PPARGC1A: variants seen among roughly 807,000 people sequenced by gnomAD.
PPARGC1A encodes the protein PPARG coactivator 1 alpha.
In PPARGC1A, 25 loss-of-function variants were observed where a neutral mutation model predicts 88.7. The observed-to-expected ratio is 0.28, with a 90% CI of 0.21 to 0.39. The LOEUF is 0.39. Ranked by LOEUF, PPARGC1A falls within the 10% of genes least tolerant of loss-of-function variation. The pLI is 1.00. For synonymous variants in PPARGC1A, 363 were observed against 355.6 expected (o/e 1.02, Z -0.24); for missense variants, 880 against 968.7 (o/e 0.91, Z 1.22).
the PPARGC1A span, among the ~76,000 whole-genome samples, chr4:24,361,754 G>A: frequency 2.0e-5 from 3 of 152,182 alleles, no homozygotes; most frequent in African/African-American, 2.4e-5. Flanking sequence ...AGCAGCATTC[G>A]TATCCCACGT....
chr4:24,301,200 G>A, the PPARGC1A span, among the ~76,000 whole-genome samples: 1 of 152,098 alleles, frequency 6.6e-6, no homozygotes, highest in African/African-American at 2.4e-5. Context: ...CTTAACACTA[G>A]TAGATATTTT....
At chr4:24,251,155 T>TACA in the PPARGC1A span, among the ~76,000 whole-genome samples, 3 of 152,232 alleles carry the variant, frequency 2.0e-5, no homozygotes. Flanking sequence ...TTAGCATAAG[T>TACA]CATTATTATT....
chr4:24,421,867 G>A, the PPARGC1A span, among the ~76,000 whole-genome samples: 1 of 151,942 alleles, frequency 6.6e-6, no homozygotes, highest in South Asian at 2.1e-4. Context: ...TCCTTATTAA[G>A]GACATATAAT....
chr4:24,434,089 G>T, the PPARGC1A span, among the ~76,000 whole-genome samples: 1 of 152,150 alleles, frequency 6.6e-6, no homozygotes, highest in South Asian at 2.1e-4. Context: ...GTACTGATTA[G>T]AACTGCTCTC....
In PPARGC1A at chr4:23,814,381, G is replaced by C. The variant is rs1171810975; in HGVS notation, c.1102C>G (p.His368Asp). 6.2e-7 allele frequency: 1 copy of C among 1,613,918 alleles called. No individual in the cohort carries two copies. Among genetic ancestry groups the C allele is most frequent in the East Asian group, 2.2e-5 (1 of 44,852 alleles). Residue 368 changes from histidine to aspartate, a missense_variant, in exon 8 of 13, where the codon CAC becomes GAC. Physicochemically the swap from His to Asp is moderately conservative, Grantham distance 81. Coordinates refer to ENST00000264867, the MANE Select transcript of PPARGC1A (RefSeq NM_013261.5). ...LSKSSVLTGG[H>D]EERKTKRPSL... is the part of the protein sequence containing the mutation. Reference sequence around the variant, plus strand: ...GGCCGCTTGGTCTTCCTTTCCTCGTGTCCACCAGTGAGGACTGAGGACTTG... The same window carrying C: ...GGCCGCTTGGTCTTCCTTTCCTCGTCTCCACCAGTGAGGACTGAGGACTTG...
the PPARGC1A span, among the ~76,000 whole-genome samples, chr4:24,069,064 G>A: frequency 1.3e-5 from 2 of 152,158 alleles, no homozygotes; most frequent in African/African-American, 2.4e-5. Flanking sequence ...TATGTGCCAC[G>A]TTATGTGCAT....
At chr4:24,334,674 T>C in the PPARGC1A span, among the ~76,000 whole-genome samples, 1 of 152,232 alleles carries the variant, frequency 6.6e-6, no homozygotes, top group African/African-American at 2.4e-5. Flanking sequence ...TTCCAAGAAC[T>C]TCCCTTATGT....
At chr4:24,380,860 G>C in the PPARGC1A span, among the ~76,000 whole-genome samples, 3 of 151,978 alleles carry the variant, frequency 2.0e-5, no homozygotes, top group Non-Finnish European at 4.4e-5. Context: ...CCAGTGATTT[G>C]AGATGTGTAG....
chr4:23,823,056 GA>G (rs1249658517), intron 7 of PPARGC1A, among the ~76,000 whole-genome samples: 2 of 151,842 alleles, frequency 1.3e-5, no homozygotes, highest in Non-Finnish European at 2.9e-5. Flanking sequence ...ACTGGTGATT[GA>G]AATTATGTAA....
the PPARGC1A span, among the ~76,000 whole-genome samples, chr4:24,391,381 A>C: frequency 6.6e-6 from 1 of 152,208 alleles, no homozygotes; most frequent in East Asian, 1.9e-4. Flanking sequence ...AAGTCTACTT[A>C]GCACCAGTTA....
chr4:24,344,920 T>A, the PPARGC1A span, among the ~76,000 whole-genome samples: 1 of 152,320 alleles, frequency 6.6e-6, no homozygotes, highest in South Asian at 2.1e-4. Flanking sequence ...CATCTTGAGT[T>A]GATTTTTGTA....
chr4:23,961,670 A>G, the PPARGC1A span, among the ~76,000 whole-genome samples: 1 of 152,040 alleles, frequency 6.6e-6, no homozygotes, highest in African/African-American at 2.4e-5. Context: ...TGGGACAGGT[A>G]TTAAATGGCC....
the PPARGC1A span, among the ~76,000 whole-genome samples, chr4:24,404,511 G>A: frequency 0.031 from 4,768 of 152,102 alleles, 157 homozygotes; most frequent in East Asian, 0.14. Context: ...GCTGATAAGC[G>A]AAGGCATGGA....
the PPARGC1A span, among the ~76,000 whole-genome samples, chr4:24,076,073 C>G: frequency 1.3e-5 from 2 of 152,136 alleles, no homozygotes; most frequent in Admixed American, 6.6e-5. Context: ...AATGCATTTA[C>G]TAGGATCAAC....
chr4:23,947,813 G>A, the PPARGC1A span, among the ~76,000 whole-genome samples: 1 of 152,054 alleles, frequency 6.6e-6, no homozygotes, highest in African/African-American at 2.4e-5. Context: ...CTCCATAATT[G>A]CCAATGTGGG....
At chr4:24,130,249 C>G in the PPARGC1A span, among the ~76,000 whole-genome samples, 2 of 152,164 alleles carry the variant, frequency 1.3e-5, no homozygotes, top group African/African-American at 4.8e-5. Context: ...TCACAACAGC[C>G]ACTGAGGTAG....
chr4:24,031,056 C>A, the PPARGC1A span, among the ~76,000 whole-genome samples: 1 of 151,870 alleles, frequency 6.6e-6, no homozygotes, highest in South Asian at 2.1e-4. Flanking sequence ...GCCTGGGAGA[C>A]GAAAAAGGGA....
intron 1 of PPARGC1A, among the ~76,000 whole-genome samples, chr4:23,888,767 A>T (rs544967289): frequency 2.6e-5 from 4 of 152,296 alleles, no homozygotes; most frequent in South Asian, 4.1e-4. Context: ...TTCACTTTAG[A>T]TGTGTATCGC....
At chr4:24,295,712 C>T in the PPARGC1A span, among the ~76,000 whole-genome samples, 54 of 149,406 alleles carry the variant, frequency 3.6e-4, no homozygotes, top group African/African-American at 1.3e-3. Flanking sequence ...ATTATATACA[C>T]ATATACGTAT....
Sources: allele counts gnomAD v4.1 joint callset (sites outside exome capture counted in the v4.1 genomes callset), GRCh38; gene constraint gnomAD v4.1.1; transcripts MANE v1.5; gene names NCBI Gene and HGNC (gene_info 2026-07-23, HGNC 2026-07-21).